Variants in WDR45B observed in about 807,000 individuals in gnomAD.
The protein encoded by WDR45B is WD repeat domain 45B.
Under a neutral mutation model 44.6 loss-of-function variants are expected in WDR45B, and 20 were observed. The observed-to-expected ratio is 0.45, with a 90% CI of 0.32 to 0.65. The LOEUF is 0.65. Ranked by LOEUF, WDR45B falls within the 30% of genes least tolerant of loss-of-function variation. The pLI is 0.05. For missense variants in WDR45B, 323 were observed against 430.2 expected (o/e 0.75, Z 2.20); for synonymous variants, 169 against 164.9 (o/e 1.02, Z -0.19).
chr17:82,647,261 G>C (rs1178406089), intron 1 of WDR45B, among the ~76,000 whole-genome samples: 1 of 152,164 alleles, frequency 6.6e-6, no homozygotes, highest in Non-Finnish European at 1.5e-5. Context: ...TCACATATAC[G>C]GGATCATACA....
intron 7 of WDR45B, among the ~76,000 whole-genome samples, chr17:82,618,237 T>C (rs1408325153): frequency 6.6e-6 from 1 of 152,204 alleles, no homozygotes; most frequent in Non-Finnish European, 1.5e-5. Flanking sequence ...GCTATATTAA[T>C]TACATTTTCA....
chr17:82,617,651 A>G, intron 7 of WDR45B: 1 of 516,158 alleles, frequency 1.9e-6, no homozygotes, highest in Admixed American at 2.7e-5. Flanking sequence ...GCAGCTGATG[A>G]GCTGTGTGTC....
At chr17:82,639,808 CTG>C (rs1324395973) in intron 2 of WDR45B, among the ~76,000 whole-genome samples, 1 of 131,172 alleles carries the variant, frequency 7.6e-6, no homozygotes, top group Non-Finnish European at 1.6e-5. Flanking sequence ...GGCTGCTGGG[CTG>C]TGTGTGTGTC....
chr17:82,627,676 G>A (rs184333196), intron 3 of WDR45B, among the ~76,000 whole-genome samples: 7 of 152,276 alleles, frequency 4.6e-5, no homozygotes, highest in Admixed American at 2.6e-4. Context: ...CTCCCTCCCC[G>A]TCCGTTCCTC....
At position 82,624,803 on chromosome 17, in the gene WDR45B, A is replaced by T. The variant is rs1167752334; in HGVS notation, c.427+586T>A. ...CCGGCTAATTTTTTGTATTTTTAGTAGAGACAGGGTTTCACCGTGTTAGCC... is the reference window on the plus strand; with the variant it reads ...CCGGCTAATTTTTTGTATTTTTAGTTGAGACAGGGTTTCACCGTGTTAGCC... On this transcript the variant is annotated intron_variant, in intron 5 of 9. Coordinates refer to ENST00000392325, the MANE Select transcript of WDR45B (RefSeq NM_019613.4). Among the ~76,000 whole-genome samples the T allele has an allele frequency of 2.7e-5, 4 of 149,608 alleles. No individual in the cohort carries two copies. The Middle Eastern group carries it at 0.01, about 387-fold the overall frequency.
rs542382538 is a variant in WDR45B, at chr17:82,625,277, T to C, written c.427+112A>G. ...TCTGGAGGCCCCTCTGTGCTCAGGA[T>C]TGCTCTCGCCAAGCACTTTGCTCAG... On this transcript the variant is annotated intron_variant, in intron 5 of 9. Transcript: ENST00000392325. 251 of 1,020,952 alleles carry C rather than the reference T, an allele frequency of 2.5e-4. 1 individual carries two copies. The African/African-American group carries it at 3.2e-3, about 13-fold the overall frequency. The allele number at this position is 1,020,952 out of a possible 1,614,324, so 63.2% of individuals were successfully genotyped here. A position where few individuals can be genotyped will look rare whatever the true frequency, so the allele number is the denominator to read the frequency against.
chr17:82,622,533 C>T (rs541805284), intron 5 of WDR45B, among the ~76,000 whole-genome samples: 15 of 152,180 alleles, frequency 9.9e-5, no homozygotes, highest in African/African-American at 2.7e-4. Flanking sequence ...CCCAGGTTCA[C>T]GCCGTTCTCC....
intron 3 of WDR45B, among the ~76,000 whole-genome samples, chr17:82,628,414 T>C (rs2143303963): frequency 6.6e-6 from 1 of 152,234 alleles, no homozygotes; most frequent in South Asian, 2.1e-4. Context: ...GCTTTAGGGA[T>C]GAGAATGCCA....
At chr17:82,626,580 T>A in intron 4 of WDR45B, among the ~76,000 whole-genome samples, 2 of 134,396 alleles carry the variant, frequency 1.5e-5, no homozygotes, top group Admixed American at 7.5e-5. Context: ...TGAAATGACC[T>A]CTGTTTACAT....
At chr17:82,646,488 CAAAA>C (rs779661551) in intron 1 of WDR45B, among the ~76,000 whole-genome samples, 5 of 19,956 alleles carry the variant, frequency 2.5e-4, no homozygotes, top group Non-Finnish European at 4.9e-4. Context: ...AACTCCGTCT[CAAAA>C]AAAAAAAAAA....
intron 5 of WDR45B, among the ~76,000 whole-genome samples, chr17:82,624,202 T>TA (rs935861131): frequency 5.1e-4 from 77 of 152,216 alleles, no homozygotes; most frequent in Non-Finnish European, 8.8e-5. Context: ...CAAATACATG[T>TA]AAAAAAACAA....
chr17:82,640,420 G>A (rs1196310499), intron 2 of WDR45B, among the ~76,000 whole-genome samples: 4 of 150,848 alleles, frequency 2.7e-5, no homozygotes, highest in Non-Finnish European at 1.5e-5. Context: ...GCGAGATCTC[G>A]GCTCACTGCA....
intron 2 of WDR45B, among the ~76,000 whole-genome samples, chr17:82,632,888 G>A (rs771849640): frequency 2.4e-4 from 37 of 152,032 alleles, no homozygotes; most frequent in Non-Finnish European, 3.1e-4. Context: ...TAAAAAATTC[G>A]CCGGCCGCAG....
intron 2 of WDR45B, among the ~76,000 whole-genome samples, chr17:82,641,791 G>T (rs754276427): frequency 1.3e-5 from 2 of 152,002 alleles, no homozygotes; most frequent in Non-Finnish European, 2.9e-5. Flanking sequence ...CCAGCTACTC[G>T]GGAGGCTGAG....
In WDR45B at chr17:82,615,518, C is replaced by G; in HGVS notation, c.*401G>C. ...ACATCTGCACACTTGTTCACTCCCC[C>G]GCTGCAGACTCAGTAAGAACGACGG... is the stretch of plus-strand genomic sequence containing the variant. On this transcript the variant is annotated 3_prime_UTR_variant, in exon 10 of 10. Coordinates refer to ENST00000392325, the MANE Select transcript of WDR45B (RefSeq NM_019613.4). The G allele has an allele frequency of 3.4e-6, 1 of 294,506 alleles. No homozygotes were observed. The highest frequency in any genetic ancestry group is 6.7e-6 in the Non-Finnish European group (1 of 150,106). The allele number at this position is 294,506 out of a possible 1,614,324, so 18.2% of individuals were successfully genotyped here.
At chr17:82,634,252 G>A (rs1329663119) in intron 2 of WDR45B, among the ~76,000 whole-genome samples, 1 of 151,172 alleles carries the variant, frequency 6.6e-6, no homozygotes, top group Non-Finnish European at 1.5e-5. Flanking sequence ...CACCTTGGGA[G>A]GCCGAGGCAG....
chr17:82,631,159 C>G, intron 2 of WDR45B, 137 bp from the exon 3 acceptor site: 2 of 816,894 alleles, frequency 2.4e-6, no homozygotes, highest in Non-Finnish European at 2.0e-6. Flanking sequence ...ACTGTGTTGC[C>G]CAGGCTGGAA....
At chr17:82,630,804 C>T in intron 3 of WDR45B, 117 bp downstream of exon 3, 1 of 1,046,432 alleles carries the variant, frequency 9.6e-7, no homozygotes, top group Non-Finnish European at 1.5e-6. Context: ...GTGACCAGTC[C>T]TGGATATTTC....
intron 1 of WDR45B, among the ~76,000 whole-genome samples, chr17:82,647,742 G>A (rs990447284): frequency 2.0e-5 from 3 of 151,656 alleles, no homozygotes; most frequent in South Asian, 2.1e-4. Context: ...CAGAGGCGTC[G>A]GAGACGCCGG....
Sources: allele counts gnomAD v4.1 joint callset (sites outside exome capture counted in the v4.1 genomes callset), GRCh38; gene constraint gnomAD v4.1.1; transcripts MANE v1.5; gene names NCBI Gene and HGNC (gene_info 2026-07-23, HGNC 2026-07-21).